TPD52: variants seen among roughly 807,000 people sequenced by gnomAD.
TPD52 encodes the protein prostate and colon associated protein.
TPD52 carries 17 observed loss-of-function variants against 31.3 expected under a neutral mutation model. The ratio of observed to expected loss-of-function variants is 0.54; its 90% CI spans 0.37 to 0.82. The LOEUF is 0.82. Among genes scored for constraint, TPD52 ranks in the 40% least tolerant of loss-of-function variants. The probability of loss-of-function intolerance (pLI) is 0.00; values close to 1 mark genes in which losing one functional copy is unlikely to be tolerated. For synonymous variants in TPD52, 83 were observed against 89.6 expected (o/e 0.93, Z 0.42); for missense variants, 212 against 240.1 (o/e 0.88, Z 0.77).
chr8:80,156,480 A>G (rs528779764), intron 1 of TPD52, among the ~76,000 whole-genome samples: 169 of 152,338 alleles, frequency 1.1e-3, no homozygotes, highest in Non-Finnish European at 2.0e-3. Context: ...AGTATCAACG[A>G]ATGTGTGAAC....
chr8:80,092,915 A>G (rs1030739463), intron 1 of TPD52, among the ~76,000 whole-genome samples: 1 of 152,200 alleles, frequency 6.6e-6, no homozygotes, highest in African/African-American at 2.4e-5. Flanking sequence ...GGAAGGGGGA[A>G]TAAAGAATAT....
intron 1 of TPD52, among the ~76,000 whole-genome samples, chr8:80,127,381 G>C (rs1026891651): frequency 1.3e-5 from 2 of 152,134 alleles, no homozygotes; most frequent in Non-Finnish European, 2.9e-5. Context: ...GACAATCATT[G>C]TATAAATGCA....
intron 1 of TPD52, among the ~76,000 whole-genome samples, chr8:80,136,481 G>A (rs189538051): frequency 3.1e-3 from 391 of 124,394 alleles, no homozygotes; most frequent in Non-Finnish European, 5.1e-3. Flanking sequence ...CTGAGATCAC[G>A]CCACTGCACT....
intron 1 of TPD52, among the ~76,000 whole-genome samples, chr8:80,066,345 G>C (rs1237381830): frequency 6.6e-6 from 1 of 152,122 alleles, no homozygotes; most frequent in Non-Finnish European, 1.5e-5. Flanking sequence ...TGCCTACCTG[G>C]AAAGCACAGA....
chr8:80,136,342 G>A (rs1371044432), intron 1 of TPD52, among the ~76,000 whole-genome samples: 1 of 150,618 alleles, frequency 6.6e-6, no homozygotes, highest in Non-Finnish European at 1.5e-5. Context: ...GGCTAACACG[G>A]TGAAACCCCA....
rs1463447279 is a variant in TPD52, at chr8:80,051,727, T to A, written c.285-99A>T. On this transcript the variant is annotated intron_variant, in intron 3 of 7. Transcript: ENST00000518937. ...CAGTGGTCACCACCTGCTGGAGAAC[T>A]CTCAAAAAGAGAAAACATTTTTCAG... The A allele has an allele frequency of 3.2e-6, 3 of 942,284 alleles. No homozygotes were observed. The African/African-American group carries it at 5.1e-5, about 16-fold the overall frequency. The allele number at this position is 942,284 out of a possible 1,614,324, so 58.4% of individuals were successfully genotyped here.
At chr8:80,171,088 C>T in intron 1 of TPD52, 1 of 619,820 alleles carries the variant, frequency 1.6e-6, no homozygotes, top group Middle Eastern at 2.7e-4. Context: ...GCTGGCTGCG[C>T]CGTGCTCCCT....
At chr8:80,061,386 A>AT (rs1812534982) in intron 2 of TPD52, among the ~76,000 whole-genome samples, 1 of 25,202 alleles carries the variant, frequency 4.0e-5, no homozygotes, top group Non-Finnish European at 1.0e-4. Flanking sequence ...CGCCCCCCCC[A>AT]AAAAAAAAAG....
chr8:80,121,038 C>T (rs1173361474), intron 1 of TPD52, among the ~76,000 whole-genome samples: 1 of 150,370 alleles, frequency 6.7e-6, no homozygotes, highest in Non-Finnish European at 1.5e-5. Context: ...GCTGAGATCA[C>T]GCCAGTGCAC....
downstream of TPD52, chr8:80,032,871 G>A (rs991966128): frequency 1.3e-5 from 2 of 152,334 alleles, no homozygotes; most frequent in Non-Finnish European, 2.9e-5. Context: ...CTGGAGTTTT[G>A]CTCATGCCTG....
chr8:80,154,305 C>A (rs62516126), intron 1 of TPD52, among the ~76,000 whole-genome samples: 24,820 of 152,106 alleles, frequency 0.16, 2,421 homozygotes, highest in South Asian at 0.29. Flanking sequence ...GTGGAAGAGG[C>A]AGGCCCAGCC....
At chr8:80,131,304 G>A (rs1809002886) in intron 1 of TPD52, among the ~76,000 whole-genome samples, 1 of 152,160 alleles carries the variant, frequency 6.6e-6, no homozygotes, top group Non-Finnish European at 1.5e-5. Context: ...CTTCTACTAG[G>A]AATTAATAAA....
intron 1 of TPD52, among the ~76,000 whole-genome samples, chr8:80,086,447 C>A (rs1815778959): frequency 6.6e-6 from 1 of 151,918 alleles, no homozygotes; most frequent in African/African-American, 2.4e-5. Context: ...AGAGGAGGGG[C>A]TGCATTCTTC....
chr8:80,072,464 C>T (rs200979475), intron 1 of TPD52, among the ~76,000 whole-genome samples: 414 of 10,828 alleles, frequency 0.038, 24 homozygotes, highest in African/African-American at 0.17. Context: ...CATAGATATG[C>T]GTGTATATAC....
chr8:80,054,470 G>C (rs942598506), intron 2 of TPD52, among the ~76,000 whole-genome samples: 1 of 152,006 alleles, frequency 6.6e-6, no homozygotes, highest in South Asian at 2.1e-4. Flanking sequence ...GAGACTTTAG[G>C]TCCCAGGAAA....
chr8:80,079,101 G>A (rs6990996), intron 1 of TPD52, among the ~76,000 whole-genome samples: 106,108 of 152,100 alleles, frequency 0.7, 37,873 homozygotes, highest in African/African-American at 0.86. Flanking sequence ...TCAAGCTCTA[G>A]CTTCCCCATT....
chr8:80,098,822 A>AT (rs1035857614), intron 1 of TPD52, among the ~76,000 whole-genome samples: 31 of 152,068 alleles, frequency 2.0e-4, no homozygotes, highest in Middle Eastern at 3.2e-3. Context: ...CTACAGAGAA[A>AT]TTTTTTTGTG....
Position 80,064,567 on chromosome 8 carries a change from C to T in TPD52, c.46G>A (p.Glu16Lys), listed in dbSNP as rs35584545. Reference protein sequence around the residue: ...QGLLRTDPVPEEGEDVAATIS... With the variant: ...QGLLRTDPVPKEGEDVAATIS... The stretch of plus-strand genomic sequence containing the variant: ...GTGGCAGCAACATCTTCTCCTTCCT[C>T]AGGGACTGGGTCTGTTCTCAGCAGA... Residue 16 changes from glutamate (E) to lysine (K), a missense_variant, in exon 2 of 8, where the codon GAG becomes AAG. Physicochemically the swap from Glu to Lys is moderately conservative, Grantham distance 56. Coordinates refer to ENST00000518937, the MANE Select transcript of TPD52 (RefSeq NM_001025253.3). The T allele has an allele frequency of 0.011, 17,962 of 1,614,090 alleles. 146 individuals are homozygous for T. Among genetic ancestry groups the T allele is most frequent in the Non-Finnish European group, 0.014 (16,605 of 1,179,940 alleles).
chr8:80,037,967 G>C lies in TPD52; in HGVS notation c.*149C>G, dbSNP rs1215270991. 4.5e-6 allele frequency: 5 copies of C among 1,102,710 alleles called. No homozygotes were observed. The South Asian group carries it at 8.8e-5, about 19-fold the overall frequency. 68.3% of individuals were successfully genotyped at this position (1,102,710 alleles called of 1,614,324 possible). A position where few individuals can be genotyped will look rare whatever the true frequency, so the allele number is the denominator to read the frequency against. On this transcript the variant is annotated 3_prime_UTR_variant, in exon 8 of 8. Transcript: ENST00000518937. ...ATAGAGGTGAAGATATTTTCATTTT[G>C]TTTAACCCACAAACTATTTGGTCAA...
Sources: gnomAD v4.1 joint callset for allele counts (sites outside exome capture counted in the v4.1 genomes callset) on GRCh38, gnomAD v4.1.1 for gene constraint, MANE v1.5 for transcripts, NCBI Gene and HGNC (gene_info 2026-07-23, HGNC 2026-07-21) for gene names.